Variants in ERBB4 observed in about 807,000 individuals in gnomAD.
ERBB4 encodes the protein receptor tyrosine-protein kinase erbB-4.
ERBB4 carries 42 observed loss-of-function variants against 158.0 expected under a neutral mutation model. The ratio of observed to expected loss-of-function variants is 0.27; its 90% CI spans 0.21 to 0.34. The LOEUF (loss-of-function observed/expected upper bound fraction) is 0.34. Among genes scored for constraint, ERBB4 ranks in the 10% least tolerant of loss-of-function variants. The pLI is 1.00. For missense variants in ERBB4, 1,333 were observed against 1,624.1 expected (o/e 0.82, Z 3.08); for synonymous variants, 583 against 558.7 (o/e 1.04, Z -0.61).
Position 212,056,924 on chromosome 2 carries a change from A to C in ERBB4, c.234+67828T>G, listed in dbSNP as rs544104581. Among the ~76,000 whole-genome samples the C allele has an allele frequency of 7.9e-5, 12 of 152,322 alleles. No homozygotes were observed. The East Asian group carries it at 2.3e-3, about 29-fold the overall frequency. The stretch of plus-strand genomic sequence containing the variant: ...TAATGACAGGATCAAATTCACACAT[A>C]ACAATATTAACCTTAAGTGTAAATG... On this transcript the variant is annotated intron_variant, in intron 2 of 27. Coordinates refer to ENST00000342788, the MANE Select transcript of ERBB4 (RefSeq NM_005235.3).
chr2:211,952,088 G>T (rs2080889176), intron 2 of ERBB4, among the ~76,000 whole-genome samples: 1 of 151,992 alleles, frequency 6.6e-6, no homozygotes, highest in South Asian at 2.1e-4. Context: ...TGGAACTGAA[G>T]CATTTTAAAA....
chr2:211,453,418 C>T (rs568461213), intron 20 of ERBB4, among the ~76,000 whole-genome samples: 29 of 152,158 alleles, frequency 1.9e-4, no homozygotes, highest in African/African-American at 6.3e-4. Context: ...CTTAAAACCC[C>T]GCTTTAAATT....
intron 1 of ERBB4, among the ~76,000 whole-genome samples, chr2:212,175,965 T>C (rs369444240): frequency 3.3e-5 from 5 of 152,134 alleles, no homozygotes; most frequent in African/African-American, 1.2e-4. Flanking sequence ...TCACCAGTTC[T>C]TATCATTTTA....
intron 1 of ERBB4, among the ~76,000 whole-genome samples, chr2:212,438,226 G>A (rs2092179444): frequency 6.6e-6 from 1 of 151,978 alleles, no homozygotes; most frequent in Non-Finnish European, 1.5e-5. Context: ...GTGTTTTGGA[G>A]CCAGACTTAG....
chr2:211,932,574 G>T (rs924574907), intron 3 of ERBB4, among the ~76,000 whole-genome samples: 10 of 151,840 alleles, frequency 6.6e-5, no homozygotes, highest in African/African-American at 2.2e-4. Context: ...CCATTTGAGG[G>T]GGGAGTGTCC....
chr2:212,304,954 G>A (rs528051125), intron 1 of ERBB4, among the ~76,000 whole-genome samples: 37 of 150,964 alleles, frequency 2.5e-4, no homozygotes, highest in Middle Eastern at 3.4e-3. Flanking sequence ...GTGTGTGTGT[G>A]TATATATATA....
intron 1 of ERBB4, among the ~76,000 whole-genome samples, chr2:212,311,147 A>T (rs921674468): frequency 6.6e-6 from 1 of 150,904 alleles, no homozygotes; most frequent in Non-Finnish European, 1.5e-5. Flanking sequence ...GAAATCCAAC[A>T]TTTATTAAAT....
At chr2:212,515,839 T>C (rs1452914313) in intron 1 of ERBB4, among the ~76,000 whole-genome samples, 2 of 152,064 alleles carry the variant, frequency 1.3e-5, no homozygotes, top group Non-Finnish European at 1.5e-5. Flanking sequence ...ATATTTATTC[T>C]GAGGAAATCA....
At chr2:212,512,570 C>T (rs1201353471) in intron 1 of ERBB4, among the ~76,000 whole-genome samples, 2 of 152,064 alleles carry the variant, frequency 1.3e-5, no homozygotes, top group East Asian at 1.9e-4. Context: ...AGCCCAATAC[C>T]TTTCTGAGAA....
chr2:211,667,708 A>G (rs2071683468), intron 14 of ERBB4, among the ~76,000 whole-genome samples: 2 of 152,192 alleles, frequency 1.3e-5, no homozygotes, highest in African/African-American at 2.4e-5. Context: ...CAATGAGTAA[A>G]TTAGGCAGAG....
rs538294171 is a variant in ERBB4, at chr2:212,148,759, C to G, written c.83-23856G>C. 2.0e-5 allele frequency among the ~76,000 whole-genome samples: 3 copies of G among 148,418 alleles called. 1 individual carries two copies. On this transcript the variant is annotated intron_variant, in intron 1 of 27. Coordinates refer to ENST00000342788, the MANE Select transcript of ERBB4 (RefSeq NM_005235.3). ...TATTCACAATAGCAAAGACTTGGAA[C>G]CAACCCAAATGTCCAACAATGATAG...
At chr2:212,239,851 AAGG>A (rs1459618425) in intron 1 of ERBB4, among the ~76,000 whole-genome samples, 1 of 152,204 alleles carries the variant, frequency 6.6e-6, no homozygotes, top group African/African-American at 2.4e-5. Flanking sequence ...TCTAATCCTA[AAGG>A]AATTAAATAA....
At chr2:211,674,497 G>C (rs775693999) in intron 13 of ERBB4, among the ~76,000 whole-genome samples, 3 of 152,054 alleles carry the variant, frequency 2.0e-5, no homozygotes, top group Non-Finnish European at 4.4e-5. Context: ...GCTTAATTAT[G>C]TATGAAATGC....
intron 1 of ERBB4, among the ~76,000 whole-genome samples, chr2:212,133,396 G>GTTTTTTTTTTTTTTTT (rs575131971): frequency 1.5e-5 from 2 of 137,138 alleles, no homozygotes; most frequent in African/African-American, 5.9e-5. Flanking sequence ...TCATTTTGGT[G>GTTTTTTTTTTTTTTTT]TTTTTTTTTT....
At chr2:212,383,125 T>G (rs1175686117) in intron 1 of ERBB4, among the ~76,000 whole-genome samples, 1 of 151,394 alleles carries the variant, frequency 6.6e-6, no homozygotes, top group Admixed American at 6.6e-5. Flanking sequence ...GTGTTTACCT[T>G]TTTCTATAGT....
At chr2:212,078,833 T>A (rs1299989647) in intron 2 of ERBB4, among the ~76,000 whole-genome samples, 1 of 151,262 alleles carries the variant, frequency 6.6e-6, no homozygotes, top group Non-Finnish European at 1.5e-5. Flanking sequence ...TAATAGTTTA[T>A]AACACTAATT....
At chr2:212,392,173 A>C (rs1381718968) in intron 1 of ERBB4, among the ~76,000 whole-genome samples, 2 of 151,948 alleles carry the variant, frequency 1.3e-5, no homozygotes, top group African/African-American at 4.8e-5. Flanking sequence ...CTAATCCATA[A>C]GACTACTCAG....
At chr2:212,395,892 C>CCA in intron 1 of ERBB4, among the ~76,000 whole-genome samples, 1 of 152,258 alleles carries the variant, frequency 6.6e-6, no homozygotes, top group East Asian at 1.9e-4. Context: ...GATGGGATTA[C>CCA]AGGTGTGAGC....
At position 212,151,514 on chromosome 2, in the gene ERBB4, T is replaced by A. The variant is rs1358384508; in HGVS notation, c.83-26611A>T. Among the ~76,000 whole-genome samples the A allele has an allele frequency of 2.6e-5, 4 of 151,774 alleles. No individual in the cohort carries two copies. The East Asian group carries it at 7.7e-4, about 29-fold the overall frequency. On this transcript the variant is annotated intron_variant, in intron 1 of 27. Coordinates refer to ENST00000342788, the MANE Select transcript of ERBB4 (RefSeq NM_005235.3). Reference sequence around the variant, plus strand: ...TCCCCCAAGATTTGAGTGGGAATTTTAAAATTATATCTAATTTTTAATTAT... The same window carrying A: ...TCCCCCAAGATTTGAGTGGGAATTTAAAAATTATATCTAATTTTTAATTAT...
Sources: allele counts gnomAD v4.1 joint callset (sites outside exome capture counted in the v4.1 genomes callset), GRCh38; gene constraint gnomAD v4.1.1; transcripts MANE v1.5; gene names NCBI Gene and HGNC (gene_info 2026-07-23, HGNC 2026-07-21).